Variants in PLPPR1 observed in about 807,000 individuals in gnomAD.
The protein encoded by PLPPR1 is phospholipid phosphatase-related protein type 1.
A neutral mutation model predicts 33.1 loss-of-function variants in PLPPR1; 10 were observed. The ratio of observed to expected loss-of-function variants is 0.30; its 90% CI spans 0.19 to 0.51. The LOEUF (loss-of-function observed/expected upper bound fraction) is 0.51. Ranked by LOEUF, PLPPR1 falls within the 20% of genes least tolerant of loss-of-function variation. PLPPR1 has a pLI of 0.97. For missense variants in PLPPR1, 304 were observed against 408.1 expected (o/e 0.74, Z 2.20); for synonymous variants, 151 against 151.0 (o/e 1.00, Z 0.00).
At chr9:101,252,342 T>C (rs1237893265) in intron 2 of PLPPR1, among the ~76,000 whole-genome samples, 3 of 152,122 alleles carry the variant, frequency 2.0e-5, no homozygotes, top group East Asian at 3.9e-4. Context: ...ACCTGATTAC[T>C]TTCTCTAGTA....
At chr9:101,052,276 G>A (rs1261628751) in intron 1 of PLPPR1, among the ~76,000 whole-genome samples, 1 of 152,160 alleles carries the variant, frequency 6.6e-6, no homozygotes, top group Non-Finnish European at 1.5e-5. Context: ...GTCTTGATGA[G>A]TGGTTTTCAA....
At chr9:101,220,371 T>A (rs1826904440) in intron 2 of PLPPR1, among the ~76,000 whole-genome samples, 2 of 152,216 alleles carry the variant, frequency 1.3e-5, no homozygotes, top group Admixed American at 6.5e-5. Context: ...AAATCCTTTC[T>A]TTCAGATGAG....
chr9:101,162,921 T>A (rs1019710452), intron 1 of PLPPR1, among the ~76,000 whole-genome samples: 1 of 152,162 alleles, frequency 6.6e-6, no homozygotes, highest in East Asian at 1.9e-4. Context: ...TCTCCTCCAA[T>A]CTCAAGAATG....
chr9:101,197,361 A>G (rs1308575700), intron 2 of PLPPR1, among the ~76,000 whole-genome samples: 2 of 152,210 alleles, frequency 1.3e-5, no homozygotes, highest in Non-Finnish European at 2.9e-5. Context: ...TCACCTGAAC[A>G]TCAGTGGGGT....
At chr9:101,223,492 G>T (rs2118798464) in intron 2 of PLPPR1, among the ~76,000 whole-genome samples, 1 of 152,220 alleles carries the variant, frequency 6.6e-6, no homozygotes, top group Non-Finnish European at 1.5e-5. Context: ...TATTGATATG[G>T]TTAGGCTTTG....
intron 1 of PLPPR1, among the ~76,000 whole-genome samples, chr9:101,145,716 A>C (rs4237200): frequency 6.6e-6 from 1 of 151,308 alleles, no homozygotes; most frequent in Non-Finnish European, 1.5e-5. Context: ...ATTAAAAAAT[A>C]AGAATAAGAA....
At chr9:101,304,962 A>T (rs1828829306) in intron 4 of PLPPR1, among the ~76,000 whole-genome samples, 1 of 152,066 alleles carries the variant, frequency 6.6e-6, no homozygotes, top group Non-Finnish European at 1.5e-5. Context: ...GTTCTTGTCC[A>T]GGAGTCTCTC....
chr9:101,124,525 T>C (rs555644256), intron 1 of PLPPR1, among the ~76,000 whole-genome samples: 1 of 152,308 alleles, frequency 6.6e-6, no homozygotes, highest in South Asian at 2.1e-4. Context: ...AACACAAGCA[T>C]ACCCTCACCT....
intron 2 of PLPPR1, among the ~76,000 whole-genome samples, chr9:101,265,037 CCA>C (rs1051093875): frequency 2.0e-5 from 3 of 152,184 alleles, no homozygotes; most frequent in Admixed American, 2.0e-4. Context: ...AATTATTGGT[CCA>C]CAGTTCCTCC....
intron 2 of PLPPR1, among the ~76,000 whole-genome samples, chr9:101,255,530 T>C (rs1201698736): frequency 6.6e-6 from 1 of 150,892 alleles, no homozygotes; most frequent in Non-Finnish European, 1.5e-5. Flanking sequence ...AGTTAACCCT[T>C]TTGTTAACTT....
intron 3 of PLPPR1, among the ~76,000 whole-genome samples, chr9:101,280,453 C>A (rs2118908514): frequency 6.6e-6 from 1 of 152,088 alleles, no homozygotes; most frequent in African/African-American, 2.4e-5. Context: ...CCAGTATTGC[C>A]CTTATATCAA....
intron 1 of PLPPR1, among the ~76,000 whole-genome samples, chr9:101,098,308 T>C (rs954588256): frequency 6.7e-6 from 1 of 149,686 alleles, no homozygotes. Flanking sequence ...GAGTATCAGG[T>C]AGAACGAATA....
chr9:101,243,557 T>C (rs1827522736), intron 2 of PLPPR1, among the ~76,000 whole-genome samples: 1 of 151,992 alleles, frequency 6.6e-6, no homozygotes, highest in South Asian at 2.1e-4. Context: ...ACTGTATAGA[T>C]AGTTGTCTAA....
chr9:101,162,858 T>C (rs1703619432), intron 1 of PLPPR1, among the ~76,000 whole-genome samples: 1 of 152,184 alleles, frequency 6.6e-6, no homozygotes, highest in Non-Finnish European at 1.5e-5. Context: ...AAGTGCTTTT[T>C]AGGTTTTTCT....
rs529634383 is a variant in PLPPR1 at position 101,287,622 on chromosome 9, T to A, written c.385+1386T>A. On this transcript the variant is annotated intron_variant, in intron 4 of 7. Transcript: ENST00000374874. ...TTCAAGCGATTCTCCTGTCTCAGCC[T>A]CCTGAGTAGGTGGGATTATAGGTGC... 1.1e-4 allele frequency among the ~76,000 whole-genome samples: 16 copies of A among 152,294 alleles called. No individual in the cohort carries two copies. The East Asian group carries it at 3.1e-3, about 29-fold the overall frequency.
chr9:101,312,113 A>C (rs1209990203), intron 5 of PLPPR1, among the ~76,000 whole-genome samples: 3 of 149,014 alleles, frequency 2.0e-5, no homozygotes, highest in Non-Finnish European at 4.5e-5. Flanking sequence ...CTTGTGGAAC[A>C]CACAGAAAAT....
chr9:101,174,184 C>G (rs1470434992), intron 1 of PLPPR1, among the ~76,000 whole-genome samples: 1 of 152,044 alleles, frequency 6.6e-6, no homozygotes, highest in Non-Finnish European at 1.5e-5. Flanking sequence ...AAAAACACTG[C>G]TCAAAAATCA....
chr9:101,148,866 C>T (rs1027512807), intron 1 of PLPPR1, among the ~76,000 whole-genome samples: 68 of 152,134 alleles, frequency 4.5e-4, no homozygotes, highest in East Asian at 5.8e-4. Flanking sequence ...CCCACAATTC[C>T]GTCTGCTTGG....
intron 3 of PLPPR1, among the ~76,000 whole-genome samples, chr9:101,281,033 CA>C (rs1017734822): frequency 1.3e-5 from 2 of 151,284 alleles, no homozygotes; most frequent in African/African-American, 4.9e-5. Context: ...AAGACTCCAC[CA>C]AAAAAAACCT....
Sources: allele counts gnomAD v4.1 joint callset (sites outside exome capture counted in the v4.1 genomes callset), GRCh38; gene constraint gnomAD v4.1.1; transcripts MANE v1.5; gene names NCBI Gene and HGNC (gene_info 2026-07-23, HGNC 2026-07-21).